Variants in CHL1 observed in about 807,000 individuals in gnomAD.
CHL1 encodes the protein cell adhesion molecule L1 like, also known as neural cell adhesion molecule L1-like protein.
Under a neutral mutation model 141.9 loss-of-function variants are expected in CHL1, and 96 were observed. The observed-to-expected ratio is 0.68, with a 90% CI of 0.57 to 0.80. CHL1 has a LOEUF of 0.80. Among genes scored for constraint, CHL1 ranks in the 30% least tolerant of loss-of-function variants. The pLI, the probability that CHL1 is intolerant of heterozygous loss-of-function variation, is 0.00. For synonymous variants in CHL1, 613 were observed against 502.2 expected (o/e 1.22, Z -2.95); for missense variants, 1,820 against 1,457.2 (o/e 1.25, Z -4.05).
At chr3:304,514 T>G (rs1699055056) in intron 2 of CHL1, among the ~76,000 whole-genome samples, 1 of 152,230 alleles carries the variant, frequency 6.6e-6, no homozygotes. Flanking sequence ...CTAGATTTTC[T>G]AGTTTATTTG....
chr3:243,486 A>G (rs1356771957), intron 1 of CHL1, among the ~76,000 whole-genome samples: 1 of 152,200 alleles, frequency 6.6e-6, no homozygotes, highest in East Asian at 1.9e-4. Flanking sequence ...AAAAGAGGTT[A>G]CTAAACAAAA....
Position 232,254 on chromosome 3 carries a change from G to GT in CHL1, c.-174-12354dup, listed in dbSNP as rs569363872. Among the ~76,000 whole-genome samples the GT allele has an allele frequency of 6.6e-4, 100 of 152,238 alleles. 1 individual carries two copies. The South Asian group carries it at 0.019, about 29-fold the overall frequency. On this transcript the variant is annotated intron_variant, in intron 1 of 27. Coordinates refer to ENST00000256509, the MANE Select transcript of CHL1 (RefSeq NM_006614.4). ...ATTTGGTCTTTTGAGTGACACAACT[G>GT]TTTTTGTATATCGGTGTGTTTGTGC... is the stretch of plus-strand genomic sequence containing the variant.
chr3:220,400 T>G (rs756553044), intron 1 of CHL1, among the ~76,000 whole-genome samples: 3 of 152,124 alleles, frequency 2.0e-5, no homozygotes, highest in Non-Finnish European at 4.4e-5. Flanking sequence ...GCCTGGAAAT[T>G]CGAGGCTGTA....
chr3:223,754 G>A (rs545741492), intron 1 of CHL1, among the ~76,000 whole-genome samples: 3 of 152,180 alleles, frequency 2.0e-5, no homozygotes, highest in Admixed American at 6.5e-5. Flanking sequence ...ATCTCTGAAA[G>A]CTCAGAGGCT....
intron 24 of CHL1, among the ~76,000 whole-genome samples, chr3:397,137 G>C (rs1394087106): frequency 6.6e-6 from 1 of 151,992 alleles, no homozygotes; most frequent in East Asian, 1.9e-4. Flanking sequence ...TGTCATTAGC[G>C]GTTTGAATAA....
intron 2 of CHL1, among the ~76,000 whole-genome samples, chr3:264,436 T>C (rs1414416213): frequency 6.6e-6 from 1 of 152,154 alleles, no homozygotes; most frequent in Non-Finnish European, 1.5e-5. Context: ...AGCCATACTC[T>C]GAAGGAACAA....
At chr3:237,232 A>T (rs776246834) in intron 1 of CHL1, among the ~76,000 whole-genome samples, 1 of 152,070 alleles carries the variant, frequency 6.6e-6, no homozygotes, top group Non-Finnish European at 1.5e-5. Context: ...GTCTCACAAG[A>T]TCTGATGGTT....
chr3:248,854 C>A (rs1409617616), intron 2 of CHL1, among the ~76,000 whole-genome samples: 1 of 152,116 alleles, frequency 6.6e-6, no homozygotes, highest in African/African-American at 2.4e-5. Context: ...TAAGCAGACA[C>A]TTTTAATCTT....
In CHL1 at chr3:355,812, G is replaced by A. The variant is rs147067467; in HGVS notation, c.1165+1041G>A. Among the ~76,000 whole-genome samples, 471 of 152,272 alleles carry A rather than the reference G, an allele frequency of 3.1e-3. 1 individual carries two copies. Among genetic ancestry groups the A allele is most frequent in the African/African-American group, 0.01 (436 of 41,540 alleles). On this transcript the variant is annotated intron_variant, in intron 11 of 27. Coordinates refer to ENST00000256509, the MANE Select transcript of CHL1 (RefSeq NM_006614.4). ...AGCTGCCTAGGGCAGTGATTCATCT[G>A]TAGAGCACTGTGATGGTTTATAAAC...
intron 15 of CHL1, among the ~76,000 whole-genome samples, chr3:370,858 T>A (rs1208220540): frequency 2.0e-5 from 3 of 152,208 alleles, no homozygotes; most frequent in Admixed American, 6.5e-5. Flanking sequence ...ATTTCATTAT[T>A]TACCTAGGAG....
intron 1 of CHL1, among the ~76,000 whole-genome samples, chr3:223,006 C>G (rs1700993642): frequency 6.6e-6 from 1 of 152,092 alleles, no homozygotes; most frequent in Non-Finnish European, 1.5e-5. Context: ...TGTGTAAAGA[C>G]ACTTGTTATA....
At chr3:337,373 T>A (rs916513116) in intron 5 of CHL1, among the ~76,000 whole-genome samples, 1 of 151,824 alleles carries the variant, frequency 6.6e-6, no homozygotes, top group Non-Finnish European at 1.5e-5. Flanking sequence ...TTATATATAT[T>A]TTTTAAATTA....
chr3:329,991 C>T (rs955772687), intron 5 of CHL1, among the ~76,000 whole-genome samples: 7 of 151,936 alleles, frequency 4.6e-5, no homozygotes, highest in African/African-American at 1.7e-4. Flanking sequence ...CAGAGAAAAA[C>T]ATCAGTGAGC....
chr3:366,546 T>A (rs1029549768), intron 15 of CHL1, among the ~76,000 whole-genome samples: 1 of 152,002 alleles, frequency 6.6e-6, no homozygotes, highest in Non-Finnish European at 1.5e-5. Flanking sequence ...TGTCTTCAAG[T>A]CACTTCACTC....
chr3:326,608 T>G (rs1701032913), intron 4 of CHL1, among the ~76,000 whole-genome samples: 1 of 152,026 alleles, frequency 6.6e-6, no homozygotes, highest in South Asian at 2.1e-4. Context: ...ATAATTGTTA[T>G]TCTAGGTGAC....
In CHL1 at chr3:383,807, A is replaced by AT. The variant is rs774613833; in HGVS notation, c.2177-4dup. 95 of 1,604,964 alleles carry AT rather than the reference A, an allele frequency of 5.9e-5. No individual in the cohort carries two copies. Among genetic ancestry groups the AT allele is most frequent in the Non-Finnish European group, 7.7e-5 (90 of 1,173,980 alleles). Reference sequence around the variant, plus strand: ...AGGAAAAATAATGTTAATGTTTTTAATTTTTCAGCTCCAGATAGGAATCCA... The same window carrying AT: ...AGGAAAAATAATGTTAATGTTTTTAATTTTTTCAGCTCCAGATAGGAATCCA... On this transcript the variant is annotated splice_polypyrimidine_tract_variant and intron_variant, in intron 18 of 27. Coordinates refer to ENST00000256509, the MANE Select transcript of CHL1 (RefSeq NM_006614.4).
intron 5 of CHL1, among the ~76,000 whole-genome samples, chr3:330,818 C>G (rs1276360470): frequency 1.3e-5 from 2 of 152,088 alleles, no homozygotes; most frequent in Non-Finnish European, 2.9e-5. Context: ...TTTCAGAAAT[C>G]AAGATTCAGC....
chr3:399,746 G>T (rs1175631228), intron 26 of CHL1, among the ~76,000 whole-genome samples: 2 of 152,138 alleles, frequency 1.3e-5, no homozygotes, highest in African/African-American at 4.8e-5. Context: ...CATATCACTA[G>T]GTCACATATA....
chr3:215,643 A>G (rs1044230267), intron 1 of CHL1, among the ~76,000 whole-genome samples: 7 of 152,202 alleles, frequency 4.6e-5, no homozygotes, highest in Non-Finnish European at 7.3e-5. Context: ...GATGTACTCC[A>G]TAGATGTGTG....
Sources: allele counts gnomAD v4.1 joint callset (sites outside exome capture counted in the v4.1 genomes callset), GRCh38; gene constraint gnomAD v4.1.1; transcripts MANE v1.5; gene names NCBI Gene and HGNC (gene_info 2026-07-23, HGNC 2026-07-21).